Variants in NTNG1 observed in about 807,000 individuals in gnomAD.
NTNG1 encodes the protein netrin-G1.
NTNG1 carries 16 observed loss-of-function variants against 54.0 expected under a neutral mutation model. The ratio of observed to expected loss-of-function variants is 0.30; its 90% CI spans 0.20 to 0.45. The LOEUF is 0.45. Ranked by LOEUF, NTNG1 falls within the 20% of genes least tolerant of loss-of-function variation. NTNG1 has a pLI of 1.00. For missense variants in NTNG1, 530 were observed against 678.7 expected, an observed-to-expected ratio of 0.78 and a Z score of 2.43; for synonymous variants, 255 against 263.1, an observed-to-expected ratio of 0.97 and a Z score of 0.30.
chr1:107,408,589 GA>G (rs1673595607), intron 5 of NTNG1: 1 of 151,922 alleles, frequency 6.6e-6, no homozygotes, highest in African/African-American at 2.4e-5. Flanking sequence ...TTCACATTAA[GA>G]AAATGCCCAG....
intron 7 of NTNG1, among the ~76,000 whole-genome samples, chr1:107,475,953 T>C (rs1275617397): frequency 6.6e-6 from 1 of 152,212 alleles, no homozygotes; most frequent in Non-Finnish European, 1.5e-5. Flanking sequence ...TACTTTAGAC[T>C]GACATCCAAA....
chr1:107,415,721 T>G (rs1674153803), intron 5 of NTNG1, among the ~76,000 whole-genome samples: 1 of 152,054 alleles, frequency 6.6e-6, no homozygotes, highest in Non-Finnish European at 1.5e-5. Context: ...GCAATACAAA[T>G]ATTGTTGACG....
chr1:107,230,055 G>T (rs1660965381), intron 2 of NTNG1, among the ~76,000 whole-genome samples: 1 of 152,030 alleles, frequency 6.6e-6, no homozygotes, highest in Non-Finnish European at 1.5e-5. Flanking sequence ...CTTCACTGAG[G>T]CAAAATATGG....
intron 3 of NTNG1, among the ~76,000 whole-genome samples, chr1:107,366,644 C>T (rs79377552): frequency 0.016 from 2,379 of 152,238 alleles, 62 homozygotes; most frequent in African/African-American, 0.054. Context: ...AAATTCTTCC[C>T]AAGTTATTAG....
intron 3 of NTNG1, among the ~76,000 whole-genome samples, chr1:107,381,433 T>C (rs1671641914): frequency 6.7e-6 from 1 of 149,414 alleles, no homozygotes; most frequent in Non-Finnish European, 1.5e-5. Context: ...AGAACTAGAA[T>C]GGGCTTTGAA....
chr1:107,268,938 C>A (rs1663944338), intron 2 of NTNG1, among the ~76,000 whole-genome samples: 1 of 152,158 alleles, frequency 6.6e-6, no homozygotes, highest in Non-Finnish European at 1.5e-5. Flanking sequence ...CCATTGTCAT[C>A]TCCCATGTGG....
chr1:107,261,670 C>T (rs986887358), intron 2 of NTNG1, among the ~76,000 whole-genome samples: 10 of 152,000 alleles, frequency 6.6e-5, no homozygotes, highest in Non-Finnish European at 5.9e-5. Context: ...AGTGAAACCC[C>T]GTCTCTACTA....
intron 2 of NTNG1, among the ~76,000 whole-genome samples, chr1:107,294,686 T>C (rs185383848): frequency 7.2e-5 from 11 of 152,290 alleles, no homozygotes; most frequent in Admixed American, 5.9e-4. Flanking sequence ...GTGGTCAATT[T>C]GGTGAGATTC....
chr1:107,464,285 A>G (rs928001630), intron 7 of NTNG1, among the ~76,000 whole-genome samples: 8 of 152,204 alleles, frequency 5.3e-5, no homozygotes, highest in Non-Finnish European at 1.2e-4. Flanking sequence ...TAGATTTGAC[A>G]AGCCTAAAGA....
intron 2 of NTNG1, among the ~76,000 whole-genome samples, chr1:107,233,702 A>G (rs1050499185): frequency 1.3e-5 from 2 of 152,206 alleles, no homozygotes; most frequent in Non-Finnish European, 2.9e-5. Flanking sequence ...GAGAGTGTAC[A>G]TGGAATAGAA....
At chr1:107,436,834 C>T (rs1477150481) in intron 7 of NTNG1, 35 bp downstream of exon 7, 5 of 1,605,398 alleles carry the variant, frequency 3.1e-6, no homozygotes, top group Non-Finnish European at 4.3e-6. Flanking sequence ...CTGCCTGCTG[C>T]AGCATGGCTG....
intron 7 of NTNG1, among the ~76,000 whole-genome samples, chr1:107,455,331 T>C (rs1236072567): frequency 6.6e-6 from 1 of 152,228 alleles, no homozygotes; most frequent in Non-Finnish European, 1.5e-5. Flanking sequence ...CCCAAAGTGC[T>C]GGGATTACAG....
intron 3 of NTNG1, among the ~76,000 whole-genome samples, chr1:107,361,657 G>A (rs1181126030): frequency 6.6e-6 from 1 of 151,686 alleles, no homozygotes; most frequent in African/African-American, 2.4e-5. Flanking sequence ...CAAAGTGCTG[G>A]GATTACAGGT....
intron 2 of NTNG1, among the ~76,000 whole-genome samples, chr1:107,190,356 C>T (rs2101188771): frequency 6.6e-6 from 1 of 152,172 alleles, no homozygotes; most frequent in Non-Finnish European, 1.5e-5. Context: ...AAAACAACAA[C>T]AACAAAGAGC....
In NTNG1 at chr1:107,372,879, T is replaced by G. The variant is rs569261296; in HGVS notation, c.888-22275T>G. 3.9e-5 allele frequency among the ~76,000 whole-genome samples: 6 copies of G among 152,270 alleles called. No individual in the cohort carries two copies. The East Asian group carries it at 1.2e-3, about 29-fold the overall frequency. ...TTCATCAGTTAAATCCTTATTATAATTAAATAACCTACATTAACTCTGGCA... is the reference window on the plus strand; with the variant it reads ...TTCATCAGTTAAATCCTTATTATAAGTAAATAACCTACATTAACTCTGGCA... On this transcript the variant is annotated intron_variant, in intron 3 of 7. Coordinates refer to ENST00000370068, the MANE Select transcript of NTNG1 (RefSeq NM_001113226.3).
chr1:107,202,705 C>G (rs965222215), intron 2 of NTNG1, among the ~76,000 whole-genome samples: 2 of 151,800 alleles, frequency 1.3e-5, no homozygotes, highest in African/African-American at 4.8e-5. Context: ...GTGTACAATT[C>G]TATGAGTTGC....
At chr1:107,447,207 G>A (rs940826115) in intron 7 of NTNG1, among the ~76,000 whole-genome samples, 1 of 151,878 alleles carries the variant, frequency 6.6e-6, no homozygotes, top group Non-Finnish European at 1.5e-5. Flanking sequence ...AATTAGTATT[G>A]TTGACCCAAT....
rs559099705 is a variant in NTNG1, at chr1:107,361,589, C to T, written c.888-33565C>T. ...TTTTAGTAGACATGAGGTTTCAGCA[C>T]GTTGGTCAGGCTGGTCTCAAACTCC... On this transcript the variant is annotated intron_variant, in intron 3 of 7. Transcript: ENST00000370068. 5.9e-5 allele frequency among the ~76,000 whole-genome samples: 9 copies of T among 151,466 alleles called. No individual in the cohort carries two copies. The East Asian group carries it at 9.8e-4, about 16-fold the overall frequency.
At chr1:107,376,370 T>C (rs933849259) in intron 3 of NTNG1, among the ~76,000 whole-genome samples, 8 of 150,376 alleles carry the variant, frequency 5.3e-5, no homozygotes, top group Non-Finnish European at 2.9e-5. Flanking sequence ...GTCGCGCCAC[T>C]GCACTCCAGC....
Sources: allele counts gnomAD v4.1 joint callset (sites outside exome capture counted in the v4.1 genomes callset), GRCh38; gene constraint gnomAD v4.1.1; transcripts MANE v1.5; gene names NCBI Gene and HGNC (gene_info 2026-07-23, HGNC 2026-07-21).